DNAH11: variants seen among roughly 807,000 people sequenced by gnomAD.
DNAH11 encodes axonemal beta dynein heavy chain 11.
Under a neutral mutation model 526.0 loss-of-function variants are expected in DNAH11, and 442 were observed. That is an observed-to-expected ratio of 0.84 (90% CI 0.78 to 0.91). DNAH11 has a LOEUF of 0.91. Ranked by LOEUF, DNAH11 falls within the 40% of genes least tolerant of loss-of-function variation. The probability of loss-of-function intolerance (pLI) is 0.00; values close to 1 mark genes in which losing one functional copy is unlikely to be tolerated. For missense variants in DNAH11, 6,989 were observed against 5,448.7 expected (o/e 1.28, Z -8.90); for synonymous variants, 2,461 against 1,935.9 (o/e 1.27, Z -7.12).
chr7:21,718,684 G>C (rs2906664), intron 43 of DNAH11, among the ~76,000 whole-genome samples: 98,718 of 151,940 alleles, frequency 0.65, 33,882 homozygotes, highest in African/African-American at 0.87. Flanking sequence ...CCAGCCCTTA[G>C]AAGTAGAAGA....
chr7:21,880,604 C>A, intron 74 of DNAH11, 98 bp from the exon 75 acceptor site: 4 of 1,277,654 alleles, frequency 3.1e-6, no homozygotes, highest in South Asian at 2.6e-5. Context: ...TGTAGTATCT[C>A]ACTCTCAAAG....
Position 21,877,767 on chromosome 7 carries a change from C to T in DNAH11, c.12196-2935C>T, listed in dbSNP as rs1320432632. Among the ~76,000 whole-genome samples the T allele has an allele frequency of 2.7e-5, 4 of 147,508 alleles. No individual in the cohort carries two copies. The East Asian group carries it at 6.2e-4, about 23-fold the overall frequency. Reference sequence around the variant, plus strand: ...GTGGGCGCCTGTAGTCCCAGCTACTCGGGAGGCTGAGGCAGGAGAATGGCA... The same window carrying T: ...GTGGGCGCCTGTAGTCCCAGCTACTTGGGAGGCTGAGGCAGGAGAATGGCA... On this transcript the variant is annotated intron_variant, in intron 74 of 81. Transcript: ENST00000409508.
chr7:21,571,147 C>T (rs757329016), intron 7 of DNAH11, among the ~76,000 whole-genome samples: 1 of 152,080 alleles, frequency 6.6e-6, no homozygotes, highest in Non-Finnish European at 1.5e-5. Context: ...GACTCACTGC[C>T]GGGTATGGGG....
Position 21,543,346 on chromosome 7 carries a change from A to T in DNAH11, c.101A>T (p.Glu34Val), listed in dbSNP as rs2285944. ...GGCCTGGAGGCAGTGGGCGCTGTGG[A>T]GCTCGAGGAGGAGGAGGAGAACGAG... Reference protein sequence around the residue: ...GAGLEAVGAVELEEEEENEEE... With the variant: ...GAGLEAVGAVVLEEEEENEEE... Residue 34 changes from glutamate to valine, a missense_variant, in exon 1 of 82, where the codon GAG becomes GTG. Transcript: ENST00000409508. 0.48 allele frequency: 745,877 copies of T among 1,550,724 alleles called. 181,836 individuals carry two copies. The highest frequency in any genetic ancestry group is 0.55 in the Middle Eastern group (3,245 of 5,886).
intron 63 of DNAH11, among the ~76,000 whole-genome samples, chr7:21,815,257 A>G (rs1859104): frequency 6.6e-6 from 1 of 151,504 alleles, no homozygotes. Context: ...GAAGGTAACA[A>G]ACTAAAGCAC....
At chr7:21,722,791 G>T (rs556469804) in intron 44 of DNAH11, among the ~76,000 whole-genome samples, 1 of 152,256 alleles carries the variant, frequency 6.6e-6, no homozygotes, top group African/African-American at 2.4e-5. Context: ...CATGCAGACA[G>T]AAGGCAACCC....
Position 21,601,160 on chromosome 7 carries a change from T to C in DNAH11, c.3406T>C (p.Leu1136=), listed in dbSNP as rs780287555. The C allele has an allele frequency of 6.2e-7, 1 of 1,600,802 alleles. No individual in the cohort carries two copies. Among genetic ancestry groups the C allele is most frequent in the South Asian group, 1.2e-5 (1 of 86,848 alleles). The change falls in exon 17 of 82, where the codon TTG becomes CTG. Residue 1136 remains leucine (L), a synonymous_variant. Coordinates refer to ENST00000409508, the MANE Select transcript of DNAH11 (RefSeq NM_001277115.2). ...GAGCTGGATGTTTCAGGAGCATCTT[T>C]TGAGATTTGTCATTGACAGGTAGCC... ...KWSWMFQEHL[L]RFVIDSLNEL...
chr7:21,754,116 C>G (rs1428039998), intron 54 of DNAH11, among the ~76,000 whole-genome samples: 1 of 152,082 alleles, frequency 6.6e-6, no homozygotes, highest in Non-Finnish European at 1.5e-5. Context: ...GTTCTCCTCC[C>G]TCATTGCATT....
intron 67 of DNAH11, 21 bp downstream of exon 67, chr7:21,852,652 C>G (rs749308507): frequency 1.9e-6 from 3 of 1,553,486 alleles, no homozygotes; most frequent in Non-Finnish European, 2.6e-6. Context: ...CAGAGGGTGC[C>G]TGGCAGATTC....
chr7:21,631,933 G>A (rs1786632434), intron 25 of DNAH11, among the ~76,000 whole-genome samples: 1 of 152,238 alleles, frequency 6.6e-6, no homozygotes, highest in South Asian at 2.1e-4. Flanking sequence ...CACTGCCATA[G>A]CAGAGGTTCT....
intron 54 of DNAH11, among the ~76,000 whole-genome samples, chr7:21,758,643 G>A (rs560183928): frequency 2.0e-5 from 3 of 152,292 alleles, no homozygotes; most frequent in East Asian, 1.9e-4. Context: ...AAGATATCAC[G>A]AAAAAGTAAT....
At chr7:21,663,873 G>A (rs1414253412) in intron 30 of DNAH11, among the ~76,000 whole-genome samples, 1 of 151,578 alleles carries the variant, frequency 6.6e-6, no homozygotes, top group Non-Finnish European at 1.5e-5. Flanking sequence ...TCTTCATAAT[G>A]CTGAATAATG....
chr7:21,857,352 G>T (rs1206414035), intron 68 of DNAH11, among the ~76,000 whole-genome samples: 1 of 152,138 alleles, frequency 6.6e-6, no homozygotes, highest in Non-Finnish European at 1.5e-5. Flanking sequence ...ATGTTCATCA[G>T]TTGGAATGCT....
intron 4 of DNAH11, among the ~76,000 whole-genome samples, chr7:21,560,093 AT>A (rs1179993771): frequency 1.3e-5 from 2 of 152,144 alleles, no homozygotes; most frequent in Non-Finnish European, 2.9e-5. Context: ...AACTTAATTG[AT>A]TTGGGAAGGA....
At chr7:21,738,889 C>A in intron 47 of DNAH11, 23 bp downstream of exon 47, 1 of 1,532,436 alleles carries the variant, frequency 6.5e-7, no homozygotes, top group Non-Finnish European at 8.8e-7. Flanking sequence ...CTGTAGTTTA[C>A]TCTCTCCCAA....
intron 57 of DNAH11, among the ~76,000 whole-genome samples, chr7:21,781,543 T>A (rs1787941136): frequency 6.6e-6 from 1 of 152,224 alleles, no homozygotes; most frequent in East Asian, 1.9e-4. Flanking sequence ...AGTGTAAACC[T>A]TTATGAGTAG....
chr7:21,723,194 G>A (rs753660996), intron 44 of DNAH11, among the ~76,000 whole-genome samples: 14 of 152,190 alleles, frequency 9.2e-5, no homozygotes, highest in Non-Finnish European at 1.8e-4. Context: ...TGTCTAATAT[G>A]TGTCAGGGAA....
chr7:21,838,259 C>G (rs1032027639), intron 65 of DNAH11, among the ~76,000 whole-genome samples: 1 of 152,194 alleles, frequency 6.6e-6, no homozygotes, highest in Non-Finnish European at 1.5e-5. Context: ...TTGCTATGCT[C>G]AAAAGACAAG....
At chr7:21,618,081 C>G (rs1378755745) in intron 23 of DNAH11, 2 of 223,356 alleles carry the variant, frequency 9.0e-6, no homozygotes, top group Admixed American at 5.5e-5. Context: ...CAGGGTGGCC[C>G]TATTACTCAT....
Sources: allele counts gnomAD v4.1 joint callset (sites outside exome capture counted in the v4.1 genomes callset), GRCh38; gene constraint gnomAD v4.1.1; transcripts MANE v1.5; gene names NCBI Gene and HGNC (gene_info 2026-07-23, HGNC 2026-07-21).